MASP1: variants seen among roughly 807,000 people sequenced by gnomAD.
MASP1 encodes mannan-binding lectin serine protease 1.
A neutral mutation model predicts 77.1 loss-of-function variants in MASP1; 59 were observed. The observed-to-expected ratio is 0.77, with a 90% CI of 0.62 to 0.95. MASP1 has a LOEUF of 0.95. Among genes scored for constraint, MASP1 ranks in the 40% least tolerant of loss-of-function variants. The probability of loss-of-function intolerance (pLI) is 0.00; values close to 1 mark genes in which losing one functional copy is unlikely to be tolerated. For missense variants in MASP1, 885 were observed against 912.9 expected (o/e 0.97, Z 0.39); for synonymous variants, 362 against 354.5 (o/e 1.02, Z -0.24).
At chr3:187,240,073 G>A (rs568930083) in intron 10 of MASP1, among the ~76,000 whole-genome samples, 171 of 151,934 alleles carry the variant, frequency 1.1e-3, no homozygotes, top group Non-Finnish European at 1.8e-3. Flanking sequence ...GCCTGCCACC[G>A]TGTAAGATGT....
chr3:187,236,694 G>T (rs1479744638), intron 10 of MASP1, 127 bp from the exon 11 acceptor site: 3 of 1,524,488 alleles, frequency 2.0e-6, no homozygotes, highest in African/African-American at 2.7e-5. Flanking sequence ...ACCCTAACCT[G>T]CCTGGGTCAT....
downstream of MASP1, among the ~76,000 whole-genome samples, chr3:187,230,275 C>A (rs574185441): frequency 5.9e-5 from 9 of 152,314 alleles, no homozygotes; most frequent in African/African-American, 2.2e-4. Flanking sequence ...ACTGGAATTG[C>A]CAAGCTATTA....
intron 10 of MASP1, among the ~76,000 whole-genome samples, chr3:187,237,339 T>C (rs549687028): frequency 8.2e-6 from 1 of 121,892 alleles, no homozygotes; most frequent in South Asian, 2.8e-4. Context: ...GAAGCTTAAC[T>C]AGATTCTAAG....
At chr3:187,277,527 A>G (rs1393813821) in intron 2 of MASP1, among the ~76,000 whole-genome samples, 1 of 152,178 alleles carries the variant, frequency 6.6e-6, no homozygotes, top group African/African-American at 2.4e-5. Flanking sequence ...ACTAAATTTT[A>G]TGAAATCATC....
intron 2 of MASP1, among the ~76,000 whole-genome samples, chr3:187,263,999 C>T (rs950572621): frequency 6.6e-6 from 1 of 152,174 alleles, no homozygotes; most frequent in African/African-American, 2.4e-5. Context: ...AAATCTCTTA[C>T]CAAGAATGAT....
At chr3:187,231,232 C>T (rs145884523), downstream of MASP1, among the ~76,000 whole-genome samples, 191 of 152,362 alleles carry the variant, frequency 1.3e-3, 1 homozygote, top group African/African-American at 4.3e-3. Context: ...AACTTTTGAA[C>T]TCTTGGAGAC....
At chr3:187,229,177 C>G (rs183695473), downstream of MASP1, among the ~76,000 whole-genome samples, 1 of 152,306 alleles carries the variant, frequency 6.6e-6, no homozygotes, top group Admixed American at 6.5e-5. Context: ...ATTCTTGCTC[C>G]CACTCCCACC....
chr3:187,230,479 T>C (rs1712702911), downstream of MASP1, among the ~76,000 whole-genome samples: 1 of 152,204 alleles, frequency 6.6e-6, no homozygotes, highest in East Asian at 1.9e-4. Context: ...TTCCCTTTTT[T>C]CCCCTTAAGC....
chr3:187,274,040 T>G (rs1048321748), intron 2 of MASP1, among the ~76,000 whole-genome samples: 2 of 152,010 alleles, frequency 1.3e-5, no homozygotes, highest in African/African-American at 2.4e-5. Context: ...AAACCTTGTC[T>G]CCACTAAAAA....
At chr3:187,276,262 T>G (rs1458792824) in intron 2 of MASP1, among the ~76,000 whole-genome samples, 1 of 152,224 alleles carries the variant, frequency 6.6e-6, no homozygotes, top group African/African-American at 2.4e-5. Context: ...GTCCATAAAC[T>G]TATTACTTAG....
At chr3:187,230,645 C>T (rs376867341), downstream of MASP1, among the ~76,000 whole-genome samples, 2 of 152,310 alleles carry the variant, frequency 1.3e-5, no homozygotes, top group East Asian at 3.9e-4. Context: ...CTGCCTGCTC[C>T]ATCCCATTTT....
intron 13 of MASP1, among the ~76,000 whole-genome samples, chr3:187,224,340 ATTTTTTTTTTT>A (rs1181826969): frequency 3.9e-5 from 4 of 102,056 alleles, no homozygotes; most frequent in African/African-American, 3.9e-5. Flanking sequence ...TGTGCTGAGT[ATTTTTTTTTTT>A]TTTTTTTTTT....
rs1343983537 is a variant in MASP1, at chr3:187,235,867, A to G, written c.2004T>C (p.Phe668=). The change falls in exon 11 of 11, where the codon TTT becomes TTC. Residue 668 remains phenylalanine, a synonymous_variant. Transcript: ENST00000296280. The part of the protein sequence containing the change: ...DTCLGDSGGA[F]VIFDDLSQRW... ...GCTGGCTCAAGTCATCAAAGATGAC[A>G]AAGGCCCCACCGCTATCTCCAAGGC... 5 of 1,614,226 alleles carry G rather than the reference A, an allele frequency of 3.1e-6. No homozygotes were observed. The East Asian group carries it at 8.9e-5, about 29-fold the overall frequency.
At chr3:187,287,382 C>T (rs1163807165) in intron 1 of MASP1, among the ~76,000 whole-genome samples, 1 of 152,214 alleles carries the variant, frequency 6.6e-6, no homozygotes, top group Non-Finnish European at 1.5e-5. Flanking sequence ...CCATCCAGCT[C>T]AGAGCTTCCC....
At chr3:187,230,375 A>G (rs199621260), downstream of MASP1, among the ~76,000 whole-genome samples, 4 of 152,368 alleles carry the variant, frequency 2.6e-5, no homozygotes, top group East Asian at 3.9e-4. Context: ...AGGGACAAAG[A>G]GACAGAGAGA....
chr3:187,221,153 AT>A, intron 14 of MASP1: 1 of 1,588,704 alleles, frequency 6.3e-7, no homozygotes, highest in Non-Finnish European at 8.6e-7. Context: ...CAAAGCTGTT[AT>A]TGGTCCTCAT....
chr3:187,289,181 G>T (rs1718100919), intron 1 of MASP1, among the ~76,000 whole-genome samples: 1 of 92,638 alleles, frequency 1.1e-5, no homozygotes, highest in Admixed American at 9.9e-5. Context: ...GAGGCCCCCC[G>T]TAGGAACAGG....
chr3:187,239,339 C>T (rs141817542), intron 10 of MASP1, among the ~76,000 whole-genome samples: 2,065 of 152,084 alleles, frequency 0.014, 24 homozygotes, highest in African/African-American at 0.027. Flanking sequence ...GCAACAAGAG[C>T]GAAACTCTGT....
chr3:187,266,386 C>G (rs933882801), intron 2 of MASP1, among the ~76,000 whole-genome samples: 6 of 152,176 alleles, frequency 3.9e-5, no homozygotes, highest in African/African-American at 1.4e-4. Context: ...AAGATAAGTA[C>G]TCAAAGGTAT....
Sources: allele counts gnomAD v4.1 joint callset (sites outside exome capture counted in the v4.1 genomes callset), GRCh38; gene constraint gnomAD v4.1.1; transcripts MANE v1.5; gene names NCBI Gene and HGNC (gene_info 2026-07-23, HGNC 2026-07-21).